CDC45: variants seen among roughly 807,000 people sequenced by gnomAD.
CDC45 encodes the protein cell division control protein 45 homolog.
A neutral mutation model predicts 77.8 loss-of-function variants in CDC45; 54 were observed. The ratio of observed to expected loss-of-function variants is 0.69; its 90% CI spans 0.56 to 0.87. CDC45 has a LOEUF of 0.87. Ranked by LOEUF, CDC45 falls within the 40% of genes least tolerant of loss-of-function variation. CDC45 has a pLI of 0.00. For missense variants in CDC45, 649 were observed against 721.6 expected, an observed-to-expected ratio of 0.90 and a Z score of 1.15; for synonymous variants, 260 against 272.1, an observed-to-expected ratio of 0.96 and a Z score of 0.44.
chr22:19,486,401 AT>A (rs2090067521), intron 5 of CDC45, among the ~76,000 whole-genome samples: 1 of 152,232 alleles, frequency 6.6e-6, no homozygotes, highest in Non-Finnish European at 1.5e-5. Context: ...AGATTAAGAC[AT>A]TTAGCTATTC....
chr22:19,504,074 A>G (rs1460654056), intron 9 of CDC45, among the ~76,000 whole-genome samples: 1 of 152,244 alleles, frequency 6.6e-6, no homozygotes, highest in Non-Finnish European at 1.5e-5. Context: ...ACCAAGCCGC[A>G]GGCAAGCAAA....
chr22:19,504,878 T>G (rs901317223), intron 9 of CDC45, among the ~76,000 whole-genome samples: 16 of 152,170 alleles, frequency 1.1e-4, no homozygotes, highest in African/African-American at 3.4e-4. Flanking sequence ...TACATGCTTC[T>G]GAGGCAATGA....
intron 8 of CDC45, 63 bp from the exon 9 acceptor site, chr22:19,499,038 C>G: frequency 6.5e-7 from 1 of 1,533,920 alleles, no homozygotes; most frequent in Non-Finnish European, 9.0e-7. Context: ...CTCACTCCAT[C>G]CCCCAGGCCT....
rs557434946 is a variant in CDC45 at position 19,480,683 on chromosome 22, C to T, written c.112-270C>T. On this transcript the variant is annotated intron_variant, in intron 2 of 18. Transcript: ENST00000263201. ...GGCATAGTATTTACGTTGTTTTGGTCAGGCCCTTGGATCAGGAACTTTTCA... is the reference window on the plus strand; with the variant it reads ...GGCATAGTATTTACGTTGTTTTGGTTAGGCCCTTGGATCAGGAACTTTTCA... Among the ~76,000 whole-genome samples the T allele has an allele frequency of 2.6e-4, 39 of 152,252 alleles. 1 individual carries two copies. The highest frequency in any genetic ancestry group is 2.2e-3 in the Admixed American group (34 of 15,298).
At chr22:19,487,317 A>G (rs1325283226) in intron 5 of CDC45, among the ~76,000 whole-genome samples, 1 of 144,874 alleles carries the variant, frequency 6.9e-6, no homozygotes, top group Non-Finnish European at 1.5e-5. Context: ...AAAAAGAAAT[A>G]TTTATACCAG....
chr22:19,483,454 T>C (rs1402311324), intron 4 of CDC45, among the ~76,000 whole-genome samples: 1 of 151,788 alleles, frequency 6.6e-6, no homozygotes, highest in Non-Finnish European at 1.5e-5. Flanking sequence ...AAAAGAAAAA[T>C]CAGCCTGGAG....
chr22:19,498,960 G>A, intron 8 of CDC45, 141 bp from the exon 9 acceptor site: 1 of 868,752 alleles, frequency 1.2e-6, no homozygotes, highest in Non-Finnish European at 1.9e-6. Flanking sequence ...CCTGACTGAG[G>A]CAAGCCAGGG....
intron 13 of CDC45, among the ~76,000 whole-genome samples, chr22:19,512,985 G>C (rs1374787510): frequency 1.3e-5 from 2 of 152,196 alleles, no homozygotes; most frequent in Non-Finnish European, 2.9e-5. Context: ...GGAAGGAAGA[G>C]AGAGGAGGAA....
intron 5 of CDC45, among the ~76,000 whole-genome samples, chr22:19,485,303 AGGC>A (rs1309247364): frequency 3.9e-5 from 6 of 152,228 alleles, no homozygotes; most frequent in Admixed American, 3.9e-4. Flanking sequence ...GGTACCAGTT[AGGC>A]CCTGGGGTGC....
At chr22:19,482,567 C>T in intron 3 of CDC45, 123 bp from the exon 4 acceptor site, 1 of 1,043,630 alleles carries the variant, frequency 9.6e-7, no homozygotes. Flanking sequence ...AGTCCCTTGC[C>T]ACGTGGGCCT....
chr22:19,505,200 T>C, intron 9 of CDC45, 162 bp from the exon 10 acceptor site: 1 of 733,090 alleles, frequency 1.4e-6, no homozygotes, highest in Non-Finnish European at 2.2e-6. Context: ...CCTGGGTGCT[T>C]GGTTTCTATG....
Position 19,512,651 on chromosome 22 carries a change from T to C in CDC45, c.1218-2098T>C, listed in dbSNP as rs909023377. Among the ~76,000 whole-genome samples, 7 of 152,238 alleles carry C rather than the reference T, an allele frequency of 4.6e-5. No individual in the cohort carries two copies. In the East Asian group the frequency reaches 1.3e-3, roughly 29 times the overall value. On this transcript the variant is annotated intron_variant, in intron 13 of 18. Transcript: ENST00000263201. ...CAAAGGAGCATTTATCCCACTCTTG[T>C]CCACCTTCCCTCCTGTTGGTACAGT...
chr22:19,484,366 A>G (rs762268292), intron 5 of CDC45, among the ~76,000 whole-genome samples: 1 of 152,220 alleles, frequency 6.6e-6, no homozygotes. Flanking sequence ...CAGTCACTGC[A>G]GAGGAGCAAT....
rs1174472527 is a variant in CDC45 at position 19,514,849 on chromosome 22, A to G, written c.1318A>G (p.Ile440Val). ...IASCLCTNLV[I>V]SQGPFLYCSL... ...CAGCTGCCTTTGCACCAACCTCGTC[A>G]TCTCCCAGGGGCCTTTCCTGTACTG... Residue 440 changes from isoleucine to valine, a missense_variant, in exon 14 of 19, where the codon ATC (isoleucine) becomes GTC (valine). Ile to Val is a conservative substitution (Grantham distance 29, BLOSUM62 3). Coordinates refer to ENST00000263201, the MANE Select transcript of CDC45 (RefSeq NM_003504.5). 2.5e-6 allele frequency: 4 copies of G among 1,614,060 alleles called. No homozygotes were observed. The highest frequency in any genetic ancestry group is 1.3e-5 in the African/African-American group (1 of 74,914).
In CDC45 at chr22:19,514,844, T is replaced by C; in HGVS notation, c.1313T>C (p.Leu438Pro). The change falls in exon 14 of 19, where the codon CTC becomes CCC. Residue 438 changes from leucine (L) to proline (P), a missense_variant. Transcript: ENST00000263201. The stretch of plus-strand genomic sequence containing the variant: ...ATTGCCAGCTGCCTTTGCACCAACC[T>C]CGTCATCTCCCAGGGGCCTTTCCTG... ...QTIASCLCTN[L>P]VISQGPFLYC... 6.2e-7 allele frequency: 1 copy of C among 1,614,128 alleles called. No individual in the cohort carries two copies. Among genetic ancestry groups the C allele is most frequent in the Non-Finnish European group, 8.5e-7 (1 of 1,180,024 alleles).
chr22:19,484,267 T>C (rs977220403), intron 5 of CDC45, among the ~76,000 whole-genome samples: 2 of 152,228 alleles, frequency 1.3e-5, no homozygotes, highest in African/African-American at 4.8e-5. Flanking sequence ...GCTCTGCGGC[T>C]AGATAGCAAA....
chr22:19,511,007 C>T (rs556856818), intron 13 of CDC45, among the ~76,000 whole-genome samples: 3 of 152,044 alleles, frequency 2.0e-5, no homozygotes, highest in Non-Finnish European at 2.9e-5. Flanking sequence ...GGTTATATAC[C>T]TACATGTGGA....
chr22:19,505,220 T>A, intron 9 of CDC45, 142 bp from the exon 10 acceptor site: 2 of 875,248 alleles, frequency 2.3e-6, no homozygotes, highest in Non-Finnish European at 3.6e-6. Context: ...GCAGGCTGCA[T>A]GTCCTTAGTC....
intron 5 of CDC45, among the ~76,000 whole-genome samples, chr22:19,491,370 T>C (rs1346862610): frequency 2.6e-5 from 4 of 152,110 alleles, no homozygotes; most frequent in Non-Finnish European, 5.9e-5. Context: ...CCTTTAACCG[T>C]TCCTTTGGGG....
Sources: gnomAD v4.1 joint callset for allele counts (sites outside exome capture counted in the v4.1 genomes callset) on GRCh38, gnomAD v4.1.1 for gene constraint, MANE v1.5 for transcripts, NCBI Gene and HGNC (gene_info 2026-07-23, HGNC 2026-07-21) for gene names.